Variants in RBFOX1 observed in about 807,000 individuals in gnomAD.
The protein encoded by RBFOX1 is RNA binding protein fox-1 homolog 1.
RBFOX1 carries 8 observed loss-of-function variants against 57.7 expected under a neutral mutation model. That is an observed-to-expected ratio of 0.14 (90% CI 0.08 to 0.25). RBFOX1 has a LOEUF of 0.25. RBFOX1 is among the 10% of genes least tolerant of loss of function. The pLI is 1.00. For synonymous variants in RBFOX1, 326 were observed against 222.4 expected (o/e 1.47, Z -4.15); for missense variants, 611 against 548.5 (o/e 1.11, Z -1.14).
chr16:7,122,873 G>A (rs2067511257), intron 4 of RBFOX1, among the ~76,000 whole-genome samples: 1 of 152,104 alleles, frequency 6.6e-6, no homozygotes, highest in African/African-American at 2.4e-5. Flanking sequence ...ACAATAAAAA[G>A]GAGCAACTAT....
intron 4 of RBFOX1, among the ~76,000 whole-genome samples, chr16:7,063,409 C>G (rs2055095135): frequency 6.6e-6 from 1 of 152,124 alleles, no homozygotes; most frequent in South Asian, 2.1e-4. Context: ...ACATGTCTCT[C>G]TGCCAACTTC....
intron 3 of RBFOX1, among the ~76,000 whole-genome samples, chr16:6,818,999 C>T (rs1219695734): frequency 1.3e-5 from 2 of 151,968 alleles, no homozygotes; most frequent in Non-Finnish European, 2.9e-5. Context: ...TCAAACTTGA[C>T]ACAGAGGAAA....
intron 4 of RBFOX1, among the ~76,000 whole-genome samples, chr16:7,291,181 A>C (rs796734527): frequency 1.1e-4 from 17 of 152,314 alleles, no homozygotes; most frequent in African/African-American, 3.8e-4. Context: ...GTTACGTTGC[A>C]AGGTAAGATG....
chr16:5,369,453 C>G lies in RBFOX1; in HGVS notation c.220-97763C>G, dbSNP rs140266460. 2.1e-4 allele frequency among the ~76,000 whole-genome samples: 32 copies of G among 152,362 alleles called. 1 individual carries two copies. In the South Asian group the frequency reaches 5.6e-3, roughly 27 times the overall value. On this transcript the variant is annotated intron_variant, in intron 1 of 2. Coordinates refer to the RBFOX1 transcript ENST00000585867. ...GTCACTGGCATTTGCAAAAGACCTGCTCGGTACCAGGCACTGCACTTAGAT... is the reference window on the plus strand; with the variant it reads ...GTCACTGGCATTTGCAAAAGACCTGGTCGGTACCAGGCACTGCACTTAGAT...
chr16:6,187,746 T>C (rs1303768270), intron 1 of RBFOX1, among the ~76,000 whole-genome samples: 2 of 152,076 alleles, frequency 1.3e-5, no homozygotes, highest in Non-Finnish European at 1.5e-5. Flanking sequence ...CAAAGTGGGA[T>C]GTAGAGAGTG....
chr16:5,592,568 C>T (rs1403554670), intron 2 of RBFOX1, among the ~76,000 whole-genome samples: 1 of 152,154 alleles, frequency 6.6e-6, no homozygotes, highest in African/African-American at 2.4e-5. Context: ...AGACTCCCAC[C>T]ACCATGCCTG....
chr16:5,418,873 C>T (rs549685062), intron 1 of RBFOX1, among the ~76,000 whole-genome samples: 135 of 152,264 alleles, frequency 8.9e-4, no homozygotes, highest in African/African-American at 3.1e-3. Flanking sequence ...GGAAGAGATA[C>T]CCAAACTGAG....
intron 2 of RBFOX1, among the ~76,000 whole-genome samples, chr16:6,638,246 G>A (rs550428243): frequency 2.0e-5 from 3 of 152,222 alleles, no homozygotes; most frequent in South Asian, 4.1e-4. Flanking sequence ...CCAGACAAAT[G>A]TAATTATCCT....
chr16:6,053,283 G>T (rs2095575620), intron 1 of RBFOX1, among the ~76,000 whole-genome samples: 1 of 152,164 alleles, frequency 6.6e-6, no homozygotes. Flanking sequence ...GGTACCAAAG[G>T]GTGTCCCAGA....
intron 1 of RBFOX1, among the ~76,000 whole-genome samples, chr16:6,139,168 G>T (rs2096692585): frequency 6.6e-6 from 1 of 152,136 alleles, no homozygotes; most frequent in Non-Finnish European, 1.5e-5. Flanking sequence ...TCTGTGTTCA[G>T]CAGGGACCAT....
At chr16:6,694,996 C>T (rs183430032) in intron 3 of RBFOX1, among the ~76,000 whole-genome samples, 69 of 151,822 alleles carry the variant, frequency 4.5e-4, no homozygotes, top group African/African-American at 1.6e-3. Context: ...AAAAAAATGA[C>T]ACATAGACAT....
chr16:7,289,016 A>T (rs1212283924), intron 4 of RBFOX1, among the ~76,000 whole-genome samples: 1 of 152,176 alleles, frequency 6.6e-6, no homozygotes, highest in Non-Finnish European at 1.5e-5. Context: ...AAGTATGGGC[A>T]CCCTGGAGGT....
chr16:6,503,163 C>G (rs1289397805), intron 2 of RBFOX1, among the ~76,000 whole-genome samples: 4 of 151,922 alleles, frequency 2.6e-5, no homozygotes, highest in African/African-American at 9.7e-5. Flanking sequence ...AGCATACTAC[C>G]AATTTATTAT....
intron 3 of RBFOX1, among the ~76,000 whole-genome samples, chr16:5,707,591 A>G (rs1354527063): frequency 6.6e-6 from 1 of 152,224 alleles, no homozygotes; most frequent in Admixed American, 6.5e-5. Context: ...AGCTATAAGT[A>G]CAATATTTAA....
upstream of RBFOX1, among the ~76,000 whole-genome samples, chr16:6,015,256 C>T (rs541333706): frequency 8.5e-4 from 129 of 152,164 alleles, no homozygotes; most frequent in African/African-American, 3.0e-3. Context: ...TCTTAAAAAT[C>T]CTAGAGTACT....
chr16:5,772,049 G>A (rs1209064717), intron 3 of RBFOX1, among the ~76,000 whole-genome samples: 1 of 152,110 alleles, frequency 6.6e-6, no homozygotes, highest in Non-Finnish European at 1.5e-5. Flanking sequence ...GCACATGCCT[G>A]TAATCCCAGC....
intron 4 of RBFOX1, among the ~76,000 whole-genome samples, chr16:7,059,195 CTG>C (rs1167888279): frequency 6.6e-6 from 1 of 152,230 alleles, no homozygotes; most frequent in East Asian, 1.9e-4. Context: ...CCTTCTCCCG[CTG>C]TGTCTCACCC....
chr16:7,454,525 C>G (rs954457093), intron 4 of RBFOX1, among the ~76,000 whole-genome samples: 1 of 152,086 alleles, frequency 6.6e-6, no homozygotes, highest in Non-Finnish European at 1.5e-5. Flanking sequence ...TCCAGAATTC[C>G]CATGCATGTG....
chr16:5,998,674 C>A (rs1358540288), intron 4 of RBFOX1, among the ~76,000 whole-genome samples: 1 of 152,160 alleles, frequency 6.6e-6, no homozygotes, highest in Non-Finnish European at 1.5e-5. Flanking sequence ...GTGTTGTCGT[C>A]CCATCCGAAT....
Sources: allele counts gnomAD v4.1 joint callset (sites outside exome capture counted in the v4.1 genomes callset), GRCh38; gene constraint gnomAD v4.1.1; transcripts MANE v1.5; gene names NCBI Gene and HGNC (gene_info 2026-07-23, HGNC 2026-07-21).